The following NCOA2 variants were observed in gnomAD, a reference collection of about 807,000 sequenced individuals.
The protein encoded by NCOA2 is class E basic helix-loop-helix protein 75.
Under a neutral mutation model 145.1 loss-of-function variants are expected in NCOA2, and 21 were observed. The ratio of observed to expected loss-of-function variants is 0.14; its 90% CI spans 0.10 to 0.21. The LOEUF is 0.21. Among genes scored for constraint, NCOA2 ranks in the 10% least tolerant of loss-of-function variants. The pLI is 1.00. For missense variants in NCOA2, 1,472 were observed against 1,837.6 expected (o/e 0.80, Z 3.64); for synonymous variants, 619 against 637.5 (o/e 0.97, Z 0.44).
At chr8:70,185,517 C>T (rs1466955858) in intron 4 of NCOA2, among the ~76,000 whole-genome samples, 1 of 152,136 alleles carries the variant, frequency 6.6e-6, no homozygotes, top group Non-Finnish European at 1.5e-5. Flanking sequence ...GGGAGCAAAA[C>T]AAGAAAGACC....
chr8:70,415,820 T>C, the NCOA2 span, among the ~76,000 whole-genome samples: 4 of 152,222 alleles, frequency 2.6e-5, no homozygotes, highest in South Asian at 4.1e-4. Flanking sequence ...TACGGTAGCA[T>C]TGTAACAGAA....
intron 16 of NCOA2, among the ~76,000 whole-genome samples, chr8:70,130,693 C>T (rs1165245773): frequency 6.6e-6 from 1 of 152,148 alleles, no homozygotes; most frequent in Non-Finnish European, 1.5e-5. Flanking sequence ...GAGAAGTCTC[C>T]AATGACTCTG....
chr8:70,447,682 CTTT>C, the NCOA2 span, among the ~76,000 whole-genome samples: 1 of 113,066 alleles, frequency 8.8e-6, no homozygotes, highest in East Asian at 2.7e-4. Context: ...TCTTTGTTTT[CTTT>C]TTTTTTTTTT....
the NCOA2 span, among the ~76,000 whole-genome samples, chr8:70,422,320 C>T: frequency 6.6e-6 from 1 of 151,950 alleles, no homozygotes. Context: ...GCACCCACTG[C>T]AAGTCCAAAT....
chr8:70,157,168 G>A lies in NCOA2; in HGVS notation c.1197C>T (p.Ser399=), dbSNP rs1812391584. 1.2e-6 allele frequency: 2 copies of A among 1,604,502 alleles called. No individual in the cohort carries two copies. The highest frequency in any genetic ancestry group is 2.7e-5 in the African/African-American group (2 of 74,740). Residue 399 remains serine (S), a synonymous_variant, in exon 11 of 23, where the codon AGC becomes AGT. Coordinates refer to ENST00000452400, the MANE Select transcript of NCOA2 (RefSeq NM_006540.4). ...QTMGKPLNPI[S]SNSPAHQALC... ...GGGCCTGATGGGCAGGGCTGTTAGA[G>A]CTAATTGGATTCAGTGGCTTCCCCA...
chr8:70,383,600 G>A (rs1812406001), intron 1 of NCOA2, among the ~76,000 whole-genome samples: 1 of 152,052 alleles, frequency 6.6e-6, no homozygotes, highest in South Asian at 2.1e-4. Flanking sequence ...CTGCCTCCTG[G>A]GTTCAAGCGA....
chr8:70,371,918 G>A (rs945991381), intron 1 of NCOA2, among the ~76,000 whole-genome samples: 7 of 152,108 alleles, frequency 4.6e-5, no homozygotes, highest in Non-Finnish European at 1.5e-5. Context: ...ACGTTCATCT[G>A]ATGTCTAATA....
intron 1 of NCOA2, among the ~76,000 whole-genome samples, chr8:70,382,754 C>A (rs1164788756): frequency 6.6e-6 from 1 of 152,168 alleles, no homozygotes; most frequent in Non-Finnish European, 1.5e-5. Flanking sequence ...TGCACGCGTT[C>A]CAGAAGGGTT....
intron 4 of NCOA2, among the ~76,000 whole-genome samples, chr8:70,183,914 ATTCACAGCTGTGAATACAGT>A (rs1213015315): frequency 6.6e-6 from 1 of 152,188 alleles, no homozygotes; most frequent in Non-Finnish European, 1.5e-5. Flanking sequence ...TGAACACAGT[ATTCACAGCTGTGAATACAGT>A]TTCACAGCTG....
At chr8:70,202,775 G>A (rs1333819890) in intron 4 of NCOA2, among the ~76,000 whole-genome samples, 1 of 152,140 alleles carries the variant, frequency 6.6e-6, no homozygotes, top group African/African-American at 2.4e-5. Flanking sequence ...TGTGCATATA[G>A]TTAACAATAT....
At chr8:70,433,095 T>A in the NCOA2 span, among the ~76,000 whole-genome samples, 6 of 152,206 alleles carry the variant, frequency 3.9e-5, no homozygotes, top group African/African-American at 1.4e-4. Context: ...ATTTCCTCAA[T>A]AAGTAAGTCA....
chr8:70,365,573 T>C (rs1810618430), intron 1 of NCOA2, among the ~76,000 whole-genome samples: 1 of 152,252 alleles, frequency 6.6e-6, no homozygotes, highest in Non-Finnish European at 1.5e-5. Flanking sequence ...TAGGTATTCT[T>C]TCAGGAGAAA....
At chr8:70,350,544 T>C (rs1462604289) in intron 1 of NCOA2, among the ~76,000 whole-genome samples, 3 of 152,220 alleles carry the variant, frequency 2.0e-5, no homozygotes, top group South Asian at 4.1e-4. Context: ...GATGTTTACT[T>C]ACTAAATCAA....
intron 1 of NCOA2, among the ~76,000 whole-genome samples, chr8:70,347,464 G>A (rs961558819): frequency 2.7e-5 from 4 of 150,826 alleles, no homozygotes; most frequent in Admixed American, 6.6e-5. Context: ...TAGCCTGGAC[G>A]ACAGAGCAAG....
chr8:70,382,614 A>T (rs1812305657), intron 1 of NCOA2, among the ~76,000 whole-genome samples: 1 of 152,228 alleles, frequency 6.6e-6, no homozygotes, highest in Non-Finnish European at 1.5e-5. Context: ...GCTAGTAGAT[A>T]TCTATTTTGA....
chr8:70,354,634 T>C (rs1358692318), intron 1 of NCOA2, among the ~76,000 whole-genome samples: 1 of 152,138 alleles, frequency 6.6e-6, no homozygotes, highest in African/African-American at 2.4e-5. Flanking sequence ...AATTTAACAA[T>C]ATGTTTCTAA....
chr8:70,124,657 C>T (rs200916907), intron 20 of NCOA2, 31 bp downstream of exon 20: 18 of 1,559,656 alleles, frequency 1.2e-5, no homozygotes, highest in African/African-American at 2.7e-5. Flanking sequence ...GTCACAGTGG[C>T]GGTATGAAAA....
rs180975935 is a variant in NCOA2 at position 70,191,901 on chromosome 8, C to T, written c.260-17042G>A. Among the ~76,000 whole-genome samples the T allele has an allele frequency of 2.6e-3, 400 of 152,132 alleles. 3 individuals carry two copies. The highest frequency in any genetic ancestry group is 8.9e-3 in the African/African-American group (371 of 41,494). On this transcript the variant is annotated intron_variant, in intron 4 of 22. Transcript: ENST00000452400. ...ACTAAAAATACAAAAATTAGCTGGC[C>T]ATGGTGGAAGGCGCCTGTAATCCCA...
chr8:70,331,861 C>A (rs140750372), intron 1 of NCOA2, among the ~76,000 whole-genome samples: 1 of 152,120 alleles, frequency 6.6e-6, no homozygotes, highest in South Asian at 2.1e-4. Flanking sequence ...CAGTTTTTCA[C>A]ATACATAGAC....
Sources: gnomAD v4.1 joint callset for allele counts (sites outside exome capture counted in the v4.1 genomes callset) on GRCh38, gnomAD v4.1.1 for gene constraint, MANE v1.5 for transcripts, NCBI Gene and HGNC (gene_info 2026-07-23, HGNC 2026-07-21) for gene names.